Variants in EPHA3 observed in about 807,000 individuals in gnomAD.
The protein encoded by EPHA3 is ephrin type-A receptor 3.
EPHA3 carries 42 observed loss-of-function variants against 107.1 expected under a neutral mutation model. The observed-to-expected ratio is 0.39, with a 90% CI of 0.31 to 0.51. EPHA3 has a LOEUF of 0.51. Ranked by LOEUF, EPHA3 falls within the 20% of genes least tolerant of loss-of-function variation. The pLI, the probability that EPHA3 is intolerant of heterozygous loss-of-function variation, is 0.78. For missense variants in EPHA3, 1,183 were observed against 1,211.2 expected (o/e 0.98, Z 0.35); for synonymous variants, 461 against 424.8 (o/e 1.09, Z -1.05).
chr3:89,340,700 C>G (rs1707498445), intron 3 of EPHA3, among the ~76,000 whole-genome samples: 1 of 152,164 alleles, frequency 6.6e-6, no homozygotes, highest in African/African-American at 2.4e-5. Context: ...TAATCTAAAT[C>G]TTGTGTGTGT....
At chr3:89,260,872 C>T (rs1705398409) in intron 3 of EPHA3, among the ~76,000 whole-genome samples, 1 of 152,178 alleles carries the variant, frequency 6.6e-6, no homozygotes, top group African/African-American at 2.4e-5. Flanking sequence ...CCATTGTTTC[C>T]TGTTAGGACT....
chr3:89,303,060 G>GT (rs1443790774), intron 3 of EPHA3, among the ~76,000 whole-genome samples: 1 of 151,716 alleles, frequency 6.6e-6, no homozygotes, highest in African/African-American at 2.4e-5. Flanking sequence ...CCCTGGCTAA[G>GT]TTTTTTCTAT....
At chr3:89,283,207 A>C (rs1266543279) in intron 3 of EPHA3, among the ~76,000 whole-genome samples, 1 of 152,152 alleles carries the variant, frequency 6.6e-6, no homozygotes, top group Non-Finnish European at 1.5e-5. Flanking sequence ...GCAAAGTGAA[A>C]AAAGTTTAAA....
At chr3:89,415,684 T>A (rs1245144648) in intron 10 of EPHA3, among the ~76,000 whole-genome samples, 7 of 151,180 alleles carry the variant, frequency 4.6e-5, no homozygotes. Context: ...TTCCTAATTT[T>A]ACTCCTCAAT....
At chr3:89,418,151 A>G (rs1395571320) in intron 10 of EPHA3, among the ~76,000 whole-genome samples, 3 of 151,506 alleles carry the variant, frequency 2.0e-5, no homozygotes, top group Non-Finnish European at 3.0e-5. Context: ...CAAGATTATG[A>G]TTCCACTCCA....
At chr3:89,399,604 G>A (rs1197864696) in intron 7 of EPHA3, 124 bp downstream of exon 7, 1 of 1,420,710 alleles carries the variant, frequency 7.0e-7, no homozygotes, top group African/African-American at 1.4e-5. Context: ...TATTGCTTGG[G>A]ACATTGCAAT....
At chr3:89,347,786 C>A (rs1304809532) in intron 5 of EPHA3, among the ~76,000 whole-genome samples, 1 of 150,550 alleles carries the variant, frequency 6.6e-6, no homozygotes, top group Non-Finnish European at 1.5e-5. Context: ...TGAAATACGT[C>A]CCATCAATAC....
At chr3:89,470,616 G>T (rs1710380025) in intron 15 of EPHA3, among the ~76,000 whole-genome samples, 1 of 152,186 alleles carries the variant, frequency 6.6e-6, no homozygotes, top group South Asian at 2.1e-4. Flanking sequence ...TACGGTTCCA[G>T]TATCTGTGCA....
intron 2 of EPHA3, among the ~76,000 whole-genome samples, chr3:89,164,125 G>T (rs1323572844): frequency 6.6e-6 from 1 of 152,150 alleles, no homozygotes; most frequent in Non-Finnish European, 1.5e-5. Context: ...AAGACTAATT[G>T]ATTTAGCAGC....
chr3:89,341,347 C>T (rs528950098), intron 4 of EPHA3, among the ~76,000 whole-genome samples: 1 of 152,130 alleles, frequency 6.6e-6, no homozygotes, highest in South Asian at 2.1e-4. Context: ...TTACATATGA[C>T]AGGATAGGGG....
intron 3 of EPHA3, among the ~76,000 whole-genome samples, chr3:89,278,155 G>A (rs1705855925): frequency 6.6e-6 from 1 of 152,092 alleles, no homozygotes; most frequent in African/African-American, 2.4e-5. Context: ...TACCCCAAAG[G>A]CTAGTATGTT....
At chr3:89,411,715 G>A (rs972684291) in intron 9 of EPHA3, among the ~76,000 whole-genome samples, 1 of 151,874 alleles carries the variant, frequency 6.6e-6, no homozygotes, top group Non-Finnish European at 1.5e-5. Flanking sequence ...CACATACTGT[G>A]AAATCCTAGA....
At chr3:89,397,537 CCTT>C (rs1708874089) in intron 6 of EPHA3, among the ~76,000 whole-genome samples, 2 of 151,598 alleles carry the variant, frequency 1.3e-5, no homozygotes, top group Non-Finnish European at 2.9e-5. Flanking sequence ...AAATATGCTG[CCTT>C]ATTTCAAACT....
rs554083774 is a variant in EPHA3 at position 89,278,455 on chromosome 3, G to A, written c.815-62461G>A. 3.3e-5 allele frequency among the ~76,000 whole-genome samples: 5 copies of A among 152,242 alleles called. 1 individual carries two copies. The highest frequency in any genetic ancestry group is 1.2e-4 in the African/African-American group (5 of 41,556). On this transcript the variant is annotated intron_variant, in intron 3 of 16. Transcript: ENST00000336596. ...ACGTTTGCAACACAGGGCTCCCTTT[G>A]CTCTCAGTGTCTGCCGTTGCTAAAC...
chr3:89,286,658 G>A (rs541020153), intron 3 of EPHA3, among the ~76,000 whole-genome samples: 1 of 152,254 alleles, frequency 6.6e-6, no homozygotes, highest in South Asian at 2.1e-4. Flanking sequence ...ATGGAAAAAT[G>A]TCATTTACTG....
intron 13 of EPHA3, among the ~76,000 whole-genome samples, chr3:89,438,363 G>A (rs1709715457): frequency 6.6e-6 from 1 of 151,878 alleles, no homozygotes; most frequent in Non-Finnish European, 1.5e-5. Flanking sequence ...CGCCAGCCTC[G>A]GCCTCCCAAA....
At chr3:89,221,957 C>T (rs997329117) in intron 3 of EPHA3, among the ~76,000 whole-genome samples, 10 of 152,048 alleles carry the variant, frequency 6.6e-5, no homozygotes, top group Admixed American at 2.6e-4. Context: ...GCAAAAACCT[C>T]ATATTAATTA....
At chr3:89,238,225 C>G (rs73146383) in intron 3 of EPHA3, among the ~76,000 whole-genome samples, 1 of 152,030 alleles carries the variant, frequency 6.6e-6, no homozygotes, top group Non-Finnish European at 1.5e-5. Flanking sequence ...GAGGTAATTA[C>G]GCAGTATGGG....
Position 89,127,965 on chromosome 3 carries a change from T to C in EPHA3, c.153+692T>C, listed in dbSNP as rs77771279. Reference sequence around the variant, plus strand: ...TTTTTTCTGAAAAATGAGGGGAGTGTTATTTACATTTCTCAAACTCTTTTC... The same window carrying C: ...TTTTTTCTGAAAAATGAGGGGAGTGCTATTTACATTTCTCAAACTCTTTTC... On this transcript the variant is annotated intron_variant, in intron 2 of 16. Transcript: ENST00000336596. 1.3e-3 allele frequency among the ~76,000 whole-genome samples: 195 copies of C among 151,940 alleles called. 3 individuals are homozygous for C. The East Asian group carries it at 0.032, about 25-fold the overall frequency.
Sources: gnomAD v4.1 joint callset for allele counts (sites outside exome capture counted in the v4.1 genomes callset) on GRCh38, gnomAD v4.1.1 for gene constraint, MANE v1.5 for transcripts, NCBI Gene and HGNC (gene_info 2026-07-23, HGNC 2026-07-21) for gene names.